The following GABPB1 variants were observed in gnomAD, a reference collection of about 807,000 sequenced individuals.
GABPB1 encodes the protein GA-binding protein subunit beta-1.
A neutral mutation model predicts 45.9 loss-of-function variants in GABPB1; 15 were observed. The observed-to-expected ratio is 0.33, with a 90% confidence interval of 0.22 to 0.50. The LOEUF (loss-of-function observed/expected upper bound fraction) is 0.50. Among genes scored for constraint, GABPB1 ranks in the 20% least tolerant of loss-of-function variants. GABPB1 has a pLI of 0.98. For missense variants in GABPB1, 252 were observed against 457.5 expected (o/e 0.55, Z 4.10); for synonymous variants, 143 against 154.4 (o/e 0.93, Z 0.55).
At chr15:50,345,970 CAA>C (rs2141173461) in intron 1 of GABPB1, among the ~76,000 whole-genome samples, 1 of 152,242 alleles carries the variant, frequency 6.6e-6, no homozygotes, top group South Asian at 2.1e-4. Context: ...CCTGGCCTCC[CAA>C]AGTGCTGGGT....
At chr15:50,283,036 C>T (rs1406417800) in intron 8 of GABPB1, among the ~76,000 whole-genome samples, 1 of 152,168 alleles carries the variant, frequency 6.6e-6, no homozygotes, top group East Asian at 1.9e-4. Flanking sequence ...GCCTGAGCAA[C>T]AGGGACTCTA....
chr15:50,302,809 ATAAC>A, intron 4 of GABPB1, 116 bp downstream of exon 4: 1 of 685,982 alleles, frequency 1.5e-6, no homozygotes, highest in Non-Finnish European at 2.4e-6. Context: ...CCTATCCAAA[ATAAC>A]TAAGTCCAAA....
rs1595717022 is a variant in GABPB1, at chr15:50,275,699, A to G, written c.*2933T>C. 6.6e-6 allele frequency: 1 copy of G among 152,250 alleles called. No individual in the cohort carries two copies. The highest frequency in any genetic ancestry group is 2.1e-4 in the South Asian group (1 of 4,832). 9.4% of individuals were successfully genotyped at this position (152,250 alleles called of 1,614,324 possible). On this transcript the variant is annotated 3_prime_UTR_variant, in exon 9 of 9. Coordinates refer to ENST00000380877, the MANE Select transcript of GABPB1 (RefSeq NM_016654.5). ...GAGTAAAAGAACTCTTCTGCCATTC[A>G]TATCACAAAAGATTGATGTTAAGAA...
intron 1 of GABPB1, among the ~76,000 whole-genome samples, chr15:50,333,365 A>G (rs2048008124): frequency 6.6e-6 from 1 of 152,208 alleles, no homozygotes; most frequent in African/African-American, 2.4e-5. Flanking sequence ...CAGGAGGCTG[A>G]GGTGGGAGGA....
In GABPB1 at chr15:50,309,677, A is replaced by T; in HGVS notation, c.108+14T>A. 1 of 1,442,034 alleles carries T rather than the reference A, an allele frequency of 6.9e-7. No individual in the cohort carries two copies. The highest frequency in any genetic ancestry group is 9.8e-7 in the Non-Finnish European group (1 of 1,024,936). 89.3% of individuals were successfully genotyped at this position (1,442,034 alleles called of 1,614,324 possible). A position where few individuals can be genotyped will look rare whatever the true frequency, so the allele number is the denominator to read the frequency against. Reference sequence around the variant, plus strand: ...GAAGGAAAAAGAACACACAATATTAAAATCATTCTTTACCCAGTCTGTAGT... The same window carrying T: ...GAAGGAAAAAGAACACACAATATTATAATCATTCTTTACCCAGTCTGTAGT... On this transcript the variant is annotated intron_variant, in intron 2 of 8. Transcript: ENST00000380877.
chr15:50,319,925 C>T (rs571400305), intron 1 of GABPB1, among the ~76,000 whole-genome samples: 1 of 152,330 alleles, frequency 6.6e-6, no homozygotes, highest in East Asian at 1.9e-4. Flanking sequence ...GTCATCTCAA[C>T]ACATCCTTGT....
chr15:50,285,629 G>A (rs1248721897), intron 8 of GABPB1, among the ~76,000 whole-genome samples: 7 of 152,122 alleles, frequency 4.6e-5, no homozygotes, highest in Non-Finnish European at 1.5e-5. Context: ...ATTATCTACT[G>A]CTTTTAAAAA....
At chr15:50,304,906 C>T (rs1015995123) in intron 2 of GABPB1, among the ~76,000 whole-genome samples, 2 of 152,058 alleles carry the variant, frequency 1.3e-5, no homozygotes, top group Admixed American at 1.3e-4. Flanking sequence ...AAAAAATTCA[C>T]GTATTGAAAC....
At position 50,338,643 on chromosome 15, in the gene GABPB1, T is replaced by C. The variant is rs144373453; in HGVS notation, c.-1+16342A>G. Among the ~76,000 whole-genome samples, 1,097 of 152,062 alleles carry C rather than the reference T, an allele frequency of 7.2e-3. 9 individuals are homozygous for C. Among genetic ancestry groups the C allele is most frequent in the Non-Finnish European group, 0.01 (713 of 67,984 alleles). On this transcript the variant is annotated intron_variant, in intron 1 of 8. Transcript: ENST00000380877. The stretch of plus-strand genomic sequence containing the variant: ...CAAACACCACCATGCCCAACTAATT[T>C]TTCTATTTTTTGTAGAGACGGGGCT...
At chr15:50,312,576 C>T (rs1198948040) in intron 1 of GABPB1, among the ~76,000 whole-genome samples, 1 of 152,086 alleles carries the variant, frequency 6.6e-6, no homozygotes. Flanking sequence ...CTATTAAAGG[C>T]AGGATAAAGC....
intron 1 of GABPB1, among the ~76,000 whole-genome samples, chr15:50,311,236 C>T (rs1032507662): frequency 6.6e-6 from 1 of 152,078 alleles, no homozygotes; most frequent in Non-Finnish European, 1.5e-5. Context: ...CCCAGAAAGA[C>T]TATCCAGCTG....
At chr15:50,301,796 A>T (rs547124218) in intron 4 of GABPB1, among the ~76,000 whole-genome samples, 14 of 152,208 alleles carry the variant, frequency 9.2e-5, no homozygotes, top group Non-Finnish European at 1.9e-4. Context: ...CAAACAAAAA[A>T]TATTTCTGCC....
intron 1 of GABPB1, among the ~76,000 whole-genome samples, chr15:50,334,674 AT>A (rs138522573): frequency 2.6e-5 from 4 of 151,608 alleles, no homozygotes; most frequent in South Asian, 2.1e-4. Context: ...CACCCAGCTA[AT>A]TTTTTTGTAT....
chr15:50,343,255 T>C (rs551967648), intron 1 of GABPB1, among the ~76,000 whole-genome samples: 4 of 152,116 alleles, frequency 2.6e-5, no homozygotes, highest in Admixed American at 2.6e-4. Context: ...AGCTCATCTA[T>C]CAATCTCCCC....
intron 1 of GABPB1, among the ~76,000 whole-genome samples, chr15:50,332,449 A>C (rs2047979868): frequency 6.6e-6 from 1 of 152,204 alleles, no homozygotes; most frequent in African/African-American, 2.4e-5. Context: ...GAAGAAACCA[A>C]ATATAATTTT....
At chr15:50,329,410 G>A (rs370025138) in intron 1 of GABPB1, among the ~76,000 whole-genome samples, 102 of 152,086 alleles carry the variant, frequency 6.7e-4, no homozygotes, top group African/African-American at 2.3e-3. Flanking sequence ...CTATTGATTC[G>A]TAATCATTCA....
chr15:50,337,743 G>C (rs1024863609), intron 1 of GABPB1, among the ~76,000 whole-genome samples: 1 of 151,966 alleles, frequency 6.6e-6, no homozygotes, highest in African/African-American at 2.4e-5. Flanking sequence ...CTCCAGCCTG[G>C]GTGTCAGAGA....
intron 1 of GABPB1, among the ~76,000 whole-genome samples, chr15:50,319,946 G>C (rs1046462732): frequency 1.3e-5 from 2 of 152,156 alleles, no homozygotes. Flanking sequence ...GTTCTCAGAA[G>C]TAACCACTAT....
At chr15:50,348,213 T>C (rs2048673945) in intron 1 of GABPB1, among the ~76,000 whole-genome samples, 1 of 152,180 alleles carries the variant, frequency 6.6e-6, no homozygotes, top group Non-Finnish European at 1.5e-5. Context: ...GGGTTTAAGA[T>C]ATTCTTTAAA....
Sources: allele counts gnomAD v4.1 joint callset (sites outside exome capture counted in the v4.1 genomes callset), GRCh38; gene constraint gnomAD v4.1.1; transcripts MANE v1.5; gene names NCBI Gene and HGNC (gene_info 2026-07-23, HGNC 2026-07-21).